The following NDUFS4 variants were observed in gnomAD, a reference collection of about 807,000 sequenced individuals.
NDUFS4 encodes NADH:ubiquinone oxidoreductase subunit S4.
In NDUFS4, 28 loss-of-function variants were observed where a neutral mutation model predicts 24.3. That is an observed-to-expected ratio of 1.15 (90% confidence interval 0.85 to 1.58). NDUFS4 has a LOEUF of 1.58. NDUFS4 is among the 40% of genes most tolerant of loss of function. The probability of loss-of-function intolerance (pLI) is 0.00; values close to 1 mark genes in which losing one functional copy is unlikely to be tolerated. For synonymous variants in NDUFS4, 93 were observed against 69.7 expected, an observed-to-expected ratio of 1.34 and a Z score of -1.67; for missense variants, 223 against 207.9, an observed-to-expected ratio of 1.07 and a Z score of -0.45.
rs543108671 is a variant in NDUFS4 at position 53,603,811 on chromosome 5, A to G, written c.177+281A>G. ...TAGCAGAACATTCATTACTTTTTGT[A>G]ATGAATGTTTTGCTTTTTATTTTCT... On this transcript the variant is annotated intron_variant, in intron 2 of 4. Transcript: ENST00000296684. Among the ~76,000 whole-genome samples, 8 of 152,222 alleles carry G rather than the reference A, an allele frequency of 5.3e-5. No individual in the cohort carries two copies. The East Asian group carries it at 1.5e-3, about 29-fold the overall frequency.
chr5:53,596,713 T>G (rs1750141837), intron 1 of NDUFS4, among the ~76,000 whole-genome samples: 1 of 152,230 alleles, frequency 6.6e-6, no homozygotes, highest in African/African-American at 2.4e-5. Context: ...AATATTTCCT[T>G]ATGGCTTAGC....
rs144468595 is a variant in NDUFS4 at position 53,588,492 on chromosome 5, T to A, written c.99-14960T>A. Among the ~76,000 whole-genome samples the A allele has an allele frequency of 9.2e-3, 1,399 of 152,340 alleles. 16 individuals are homozygous for A. Among genetic ancestry groups the A allele is most frequent in the African/African-American group, 0.032 (1,325 of 41,580 alleles). On this transcript the variant is annotated intron_variant, in intron 1 of 4. Transcript: ENST00000296684. Reference sequence around the variant, plus strand: ...GAGTTGTGAAATAATTTGTTCAAGATCATATTGCTCTTAAGTGGCAGATCT... The same window carrying A: ...GAGTTGTGAAATAATTTGTTCAAGAACATATTGCTCTTAAGTGGCAGATCT...
chr5:53,651,532 T>C, intron 3 of NDUFS4, among the ~76,000 whole-genome samples: 1 of 151,954 alleles, frequency 6.6e-6, no homozygotes, highest in East Asian at 1.9e-4. Flanking sequence ...ATTAAAAATA[T>C]AAAATATTTA....
chr5:53,682,183 T>TTAA (rs1740689140), intron 4 of NDUFS4, among the ~76,000 whole-genome samples: 1 of 152,108 alleles, frequency 6.6e-6, no homozygotes. Context: ...AAAGAATGAC[T>TTAA]TAATTATATT....
chr5:53,562,507 A>T (rs1003928670), intron 1 of NDUFS4, among the ~76,000 whole-genome samples: 3 of 152,214 alleles, frequency 2.0e-5, no homozygotes, highest in Non-Finnish European at 4.4e-5. Flanking sequence ...GTTACTACAT[A>T]TCCAAACTTA....
At chr5:53,650,559 A>G (rs961944417) in intron 3 of NDUFS4, among the ~76,000 whole-genome samples, 1 of 152,230 alleles carries the variant, frequency 6.6e-6, no homozygotes, top group Non-Finnish European at 1.5e-5. Context: ...GTTTGTTCAG[A>G]TTCTTGTCTG....
intron 4 of NDUFS4, among the ~76,000 whole-genome samples, chr5:53,677,684 C>T (rs528242352): frequency 2.3e-4 from 35 of 152,322 alleles, no homozygotes; most frequent in Admixed American, 2.2e-3. Flanking sequence ...GGTGAAGAAT[C>T]TTGAAACCTT....
chr5:53,664,259 T>G (rs1266420333), intron 4 of NDUFS4, among the ~76,000 whole-genome samples: 1 of 152,226 alleles, frequency 6.6e-6, no homozygotes, highest in African/African-American at 2.4e-5. Flanking sequence ...TTGCTGCCGT[T>G]AACATCTTTT....
At chr5:53,586,617 G>A (rs1260785321) in intron 1 of NDUFS4, among the ~76,000 whole-genome samples, 1 of 152,130 alleles carries the variant, frequency 6.6e-6, no homozygotes, top group Non-Finnish European at 1.5e-5. Flanking sequence ...CCGCCTCCCA[G>A]GTTCATGCCA....
chr5:53,649,760 A>G (rs1422922727), intron 3 of NDUFS4, among the ~76,000 whole-genome samples: 1 of 152,174 alleles, frequency 6.6e-6, no homozygotes, highest in Non-Finnish European at 1.5e-5. Context: ...TCCATACTGT[A>G]TTCCATAGGG....
intron 1 of NDUFS4, among the ~76,000 whole-genome samples, chr5:53,585,599 G>C (rs899507263): frequency 6.6e-6 from 1 of 152,074 alleles, no homozygotes; most frequent in Non-Finnish European, 1.5e-5. Flanking sequence ...GAAATTAGCC[G>C]GGCGTGGTGG....
intron 2 of NDUFS4, among the ~76,000 whole-genome samples, chr5:53,639,748 A>G (rs1751656771): frequency 6.6e-6 from 1 of 152,182 alleles, no homozygotes; most frequent in Non-Finnish European, 1.5e-5. Flanking sequence ...AGAAGCAAAG[A>G]AACTAAAAAG....
At chr5:53,670,987 A>G (rs563962765) in intron 4 of NDUFS4, among the ~76,000 whole-genome samples, 10 of 151,806 alleles carry the variant, frequency 6.6e-5, no homozygotes, top group African/African-American at 1.9e-4. Context: ...TAGTATCTCT[A>G]TATAGAGAGA....
rs1181467401 is a variant in NDUFS4, at chr5:53,682,725, C to CCAA, written c.425-391_425-389dup. Among the ~76,000 whole-genome samples, 15 of 152,092 alleles carry CCAA rather than the reference C, an allele frequency of 9.9e-5. No individual in the cohort carries two copies. The East Asian group carries it at 2.5e-3, about 25-fold the overall frequency. On this transcript the variant is annotated intron_variant, in intron 4 of 4. Transcript: ENST00000296684. ...AGAGTTCCAAACTCTTGTAAAGAAA[C>CCAA]CAACTTTTAGAATAATAGTGAGTTG... is the stretch of plus-strand genomic sequence containing the variant.
At chr5:53,647,444 C>T (rs555909946) in intron 3 of NDUFS4, among the ~76,000 whole-genome samples, 17 of 152,116 alleles carry the variant, frequency 1.1e-4, no homozygotes, top group African/African-American at 3.6e-4. Flanking sequence ...TCTCGAACTC[C>T]GGGCTTCAAG....
intron 3 of NDUFS4, among the ~76,000 whole-genome samples, chr5:53,658,297 A>G (rs1170644424): frequency 6.6e-6 from 1 of 152,184 alleles, no homozygotes; most frequent in Non-Finnish European, 1.5e-5. Context: ...TTAGAGTGGA[A>G]TAAAATTATT....
intron 4 of NDUFS4, among the ~76,000 whole-genome samples, chr5:53,667,011 A>G (rs1229430307): frequency 6.6e-6 from 1 of 152,224 alleles, no homozygotes; most frequent in Non-Finnish European, 1.5e-5. Flanking sequence ...TCTCCTGGGA[A>G]AGTCCTTAAT....
At chr5:53,625,653 TTATC>T (rs1472316555) in intron 2 of NDUFS4, among the ~76,000 whole-genome samples, 1 of 152,186 alleles carries the variant, frequency 6.6e-6, no homozygotes, top group Non-Finnish European at 1.5e-5. Flanking sequence ...CTTACAGTAT[TTATC>T]ATTTTAGATA....
chr5:53,679,242 TA>T (rs566016572), intron 4 of NDUFS4, among the ~76,000 whole-genome samples: 40 of 151,956 alleles, frequency 2.6e-4, no homozygotes, highest in African/African-American at 9.6e-4. Context: ...AACGGGAAGA[TA>T]ATAAATTTTT....
Sources: gnomAD v4.1 joint callset for allele counts (sites outside exome capture counted in the v4.1 genomes callset) on GRCh38, gnomAD v4.1.1 for gene constraint, MANE v1.5 for transcripts, NCBI Gene and HGNC (gene_info 2026-07-23, HGNC 2026-07-21) for gene names.